NTN1: variants seen among roughly 807,000 people sequenced by gnomAD.
NTN1 encodes netrin-1.
A neutral mutation model predicts 54.2 loss-of-function variants in NTN1; 11 were observed. The observed-to-expected ratio is 0.20, with a 90% CI of 0.13 to 0.34. NTN1 has a LOEUF of 0.34. Ranked by LOEUF, NTN1 falls within the 10% of genes least tolerant of loss-of-function variation. The probability of loss-of-function intolerance (pLI) is 1.00; values close to 1 mark genes in which losing one functional copy is unlikely to be tolerated. For missense variants in NTN1, 740 were observed against 893.1 expected (o/e 0.83, Z 2.18); for synonymous variants, 371 against 382.0 (o/e 0.97, Z 0.33).
At chr17:9,092,688 G>A (rs181993919) in intron 2 of NTN1, among the ~76,000 whole-genome samples, 8 of 152,176 alleles carry the variant, frequency 5.3e-5, no homozygotes, top group African/African-American at 1.7e-4. Flanking sequence ...TTGTGTCCTG[G>A]GTTCAAGTGA....
At chr17:9,222,242 C>G (rs538595206) in intron 6 of NTN1, among the ~76,000 whole-genome samples, 1 of 152,370 alleles carries the variant, frequency 6.6e-6, no homozygotes, top group African/African-American at 2.4e-5. Context: ...CCGTCCTCCT[C>G]CTCACTCCAG....
intron 6 of NTN1, among the ~76,000 whole-genome samples, chr17:9,226,346 C>T (rs1004650667): frequency 1.3e-5 from 2 of 152,052 alleles, no homozygotes; most frequent in African/African-American, 4.8e-5. Context: ...ACATGATATC[C>T]TTCTAAGTGA....
chr17:9,096,421 A>G (rs1390874041), intron 2 of NTN1, among the ~76,000 whole-genome samples: 2 of 119,928 alleles, frequency 1.7e-5, no homozygotes, highest in Non-Finnish European at 3.2e-5. Context: ...CCCAGGCTGG[A>G]GTGCAGTGGC....
chr17:9,008,294 TTTAAG>T, the NTN1 span, among the ~76,000 whole-genome samples: 6,098 of 142,546 alleles, frequency 0.043, 268 homozygotes, highest in African/African-American at 0.14. Flanking sequence ...AACTTTTTAA[TTTAAG>T]TTAATTAATT....
chr17:9,132,031 T>C (rs780415418), intron 2 of NTN1, among the ~76,000 whole-genome samples: 5 of 151,868 alleles, frequency 3.3e-5, no homozygotes, highest in Non-Finnish European at 5.9e-5. Flanking sequence ...CCAGGCCCCT[T>C]GATGCCCATT....
At chr17:9,126,398 T>G (rs543746688) in intron 2 of NTN1, among the ~76,000 whole-genome samples, 1 of 152,294 alleles carries the variant, frequency 6.6e-6, no homozygotes, top group South Asian at 2.1e-4. Context: ...TAATCCCAGC[T>G]ACTCGGGAGG....
At chr17:9,148,199 C>A (rs1255974627) in intron 2 of NTN1, among the ~76,000 whole-genome samples, 1 of 152,174 alleles carries the variant, frequency 6.6e-6, no homozygotes, top group African/African-American at 2.4e-5. Context: ...GGGTCTTTTC[C>A]CTTCTCACAA....
the NTN1 span, among the ~76,000 whole-genome samples, chr17:9,015,063 G>C: frequency 6.6e-6 from 1 of 152,210 alleles, no homozygotes; most frequent in Non-Finnish European, 1.5e-5. Flanking sequence ...GAATATCAAA[G>C]TGCTTAGTAG....
rs1443380116 is a variant in NTN1, at chr17:9,243,889, G to T, written c.*3921G>T. On this transcript the variant is annotated 3_prime_UTR_variant, in exon 7 of 7. Transcript: ENST00000173229. ...GATTTTCTTTCTTTCCTTTTTTTTG[G>T]GGGGGGGTGGGGGGTTGGTTAGAGT... The T allele has an allele frequency of 7.7e-6, 1 of 129,506 alleles. No individual in the cohort carries two copies. Among genetic ancestry groups the T allele is most frequent in the Middle Eastern group, 3.7e-3 (1 of 268 alleles). The allele number at this position is 129,506 out of a possible 1,614,324, so 8.0% of individuals were successfully genotyped here.
At chr17:9,069,385 TG>T (rs2092025765) in intron 2 of NTN1, among the ~76,000 whole-genome samples, 1 of 152,228 alleles carries the variant, frequency 6.6e-6, no homozygotes, top group South Asian at 2.1e-4. Flanking sequence ...TCCACTTCAT[TG>T]GCTTTTTGTT....
In NTN1 at chr17:9,165,275, A is replaced by T. The variant is rs544527360; in HGVS notation, c.1207+2274A>T. Among the ~76,000 whole-genome samples the T allele has an allele frequency of 6.6e-6, 1 of 152,310 alleles. No homozygotes were observed. Among genetic ancestry groups the T allele is most frequent in the East Asian group, 1.9e-4 (1 of 5,182 alleles). On this transcript the variant is annotated intron_variant, in intron 3 of 6. Coordinates refer to ENST00000173229, the MANE Select transcript of NTN1 (RefSeq NM_004822.3). The surrounding 1 kb of genome is among the most constrained non-coding windows in gnomAD (Gnocchi z 4.5). ...CTCCACCTACACCCTGTTGCTGTGGACAGGGACAAGAGCCATTTGCAGCCT... is the reference window on the plus strand; with the variant it reads ...CTCCACCTACACCCTGTTGCTGTGGTCAGGGACAAGAGCCATTTGCAGCCT...
chr17:9,194,290 A>T (rs927693819), intron 5 of NTN1, among the ~76,000 whole-genome samples: 4 of 152,310 alleles, frequency 2.6e-5, no homozygotes, highest in Admixed American at 2.6e-4. Context: ...TTAGAAATGC[A>T]TCTGGGTGCC....
intron 2 of NTN1, among the ~76,000 whole-genome samples, chr17:9,080,864 T>C (rs2092068306): frequency 6.6e-6 from 1 of 152,194 alleles, no homozygotes; most frequent in East Asian, 1.9e-4. Flanking sequence ...AGGGTGATGG[T>C]CCCAGGGAGG....
the NTN1 span, among the ~76,000 whole-genome samples, chr17:9,012,175 C>G: frequency 6.6e-6 from 1 of 152,188 alleles, no homozygotes; most frequent in Middle Eastern, 3.4e-3. Flanking sequence ...AGCTCTCAGC[C>G]TCCCCTCTGA....
chr17:9,188,007 C>T (rs1038323998), intron 5 of NTN1, among the ~76,000 whole-genome samples: 6 of 152,156 alleles, frequency 3.9e-5, no homozygotes, highest in African/African-American at 1.2e-4. Flanking sequence ...TGCTAGGGGC[C>T]GGGCAGCGGC....
intron 2 of NTN1, among the ~76,000 whole-genome samples, chr17:9,050,734 C>T (rs1290849275): frequency 6.6e-6 from 1 of 150,762 alleles, no homozygotes; most frequent in Non-Finnish European, 1.5e-5. Flanking sequence ...CAGCTAAATC[C>T]AGAGCCTCTC....
intron 2 of NTN1, among the ~76,000 whole-genome samples, chr17:9,048,300 A>G (rs2091947287): frequency 1.5e-5 from 2 of 134,572 alleles, no homozygotes; most frequent in African/African-American, 2.9e-5. Context: ...GAGCAGTAAT[A>G]TTTTGAAAGG....
At chr17:9,066,493 T>G (rs1475685056) in intron 2 of NTN1, among the ~76,000 whole-genome samples, 1 of 151,430 alleles carries the variant, frequency 6.6e-6, no homozygotes, top group Non-Finnish European at 1.5e-5. Flanking sequence ...CCAGGTGTGG[T>G]GGTGGGTACC....
At chr17:9,073,405 G>A (rs942928625) in intron 2 of NTN1, among the ~76,000 whole-genome samples, 1 of 152,230 alleles carries the variant, frequency 6.6e-6, no homozygotes. Context: ...GGAGTTCATT[G>A]AGTCAGGGCA....
Sources: allele counts gnomAD v4.1 joint callset (sites outside exome capture counted in the v4.1 genomes callset), GRCh38; gene constraint gnomAD v4.1.1; non-coding constraint Gnocchi (gnomAD v3.1); transcripts MANE v1.5; gene names NCBI Gene and HGNC (gene_info 2026-07-23, HGNC 2026-07-21).